Variants in TAFA2 observed in about 807,000 individuals in gnomAD.
The protein encoded by TAFA2 is chemokine-like protein TAFA-2.
TAFA2 carries 7 observed loss-of-function variants against 18.8 expected under a neutral mutation model. The observed-to-expected ratio is 0.37, with a 90% CI of 0.21 to 0.70. The LOEUF (loss-of-function observed/expected upper bound fraction) is 0.70. TAFA2 is among the 30% of genes least tolerant of loss of function. TAFA2 has a pLI of 0.53. For missense variants in TAFA2, 122 were observed against 158.1 expected, an observed-to-expected ratio of 0.77 and a Z score of 1.23; for synonymous variants, 60 against 54.2, an observed-to-expected ratio of 1.11 and a Z score of -0.47.
chr12:61,994,423 A>G (rs544843013), intron 1 of TAFA2, among the ~76,000 whole-genome samples: 20 of 151,996 alleles, frequency 1.3e-4, no homozygotes, highest in Non-Finnish European at 2.9e-4. Flanking sequence ...CTCTCCTGAA[A>G]CTCTAGTCTC....
intron 4 of TAFA2, among the ~76,000 whole-genome samples, chr12:61,751,888 G>T (rs1014863734): frequency 4.6e-5 from 7 of 151,804 alleles, no homozygotes; most frequent in African/African-American, 1.7e-4. Flanking sequence ...TGAGAATTTA[G>T]ACTGCATGGT....
chr12:61,953,646 G>T (rs1878545837), intron 1 of TAFA2, among the ~76,000 whole-genome samples: 1 of 152,078 alleles, frequency 6.6e-6, no homozygotes. Context: ...ATACTTTATA[G>T]TAACACACAG....
At chr12:61,766,276 C>G (rs1592374958) in intron 2 of TAFA2, among the ~76,000 whole-genome samples, 1 of 152,088 alleles carries the variant, frequency 6.6e-6, no homozygotes, top group Non-Finnish European at 1.5e-5. Context: ...ATTGCAAAAG[C>G]ATCCTTCCCT....
chr12:62,120,347 C>T (rs1258409849), intron 1 of TAFA2, among the ~76,000 whole-genome samples: 5 of 152,126 alleles, frequency 3.3e-5, no homozygotes, highest in African/African-American at 1.2e-4. Context: ...ATTAAATAGG[C>T]ATTTGTATTT....
At chr12:61,724,775 G>A (rs1223088710) in intron 4 of TAFA2, among the ~76,000 whole-genome samples, 4 of 111,198 alleles carry the variant, frequency 3.6e-5, no homozygotes, top group Non-Finnish European at 7.7e-5. Flanking sequence ...GTGTGTGTGT[G>A]TGTGTGTGTG....
At chr12:62,036,664 A>C (rs1881619922) in intron 1 of TAFA2, among the ~76,000 whole-genome samples, 1 of 152,242 alleles carries the variant, frequency 6.6e-6, no homozygotes, top group Admixed American at 6.5e-5. Flanking sequence ...AATAAATTGT[A>C]AATGGAAATT....
intron 1 of TAFA2, among the ~76,000 whole-genome samples, chr12:62,083,479 A>G (rs968352884): frequency 2.0e-5 from 3 of 152,126 alleles, no homozygotes; most frequent in Non-Finnish European, 4.4e-5. Context: ...TTCTCTTTGG[A>G]AATGCCTCTA....
At chr12:61,746,894 G>T (rs1868736991) in intron 4 of TAFA2, among the ~76,000 whole-genome samples, 1 of 152,060 alleles carries the variant, frequency 6.6e-6, no homozygotes, top group South Asian at 2.1e-4. Context: ...AAGAGCTTCT[G>T]CACAGCAAAA....
At chr12:61,845,492 A>G (rs891872856) in intron 2 of TAFA2, among the ~76,000 whole-genome samples, 5 of 152,186 alleles carry the variant, frequency 3.3e-5, no homozygotes, top group Non-Finnish European at 7.4e-5. Flanking sequence ...TTACCTTGAA[A>G]CATTGCATCA....
At chr12:61,997,191 GTATA>G (rs763945776) in intron 1 of TAFA2, among the ~76,000 whole-genome samples, 46 of 150,664 alleles carry the variant, frequency 3.1e-4, no homozygotes, top group Non-Finnish European at 4.7e-4. Context: ...GTGTGTGTGT[GTATA>G]TATATATATA....
intron 1 of TAFA2, among the ~76,000 whole-genome samples, chr12:61,897,385 AT>A (rs1212576703): frequency 6.6e-6 from 1 of 152,164 alleles, no homozygotes; most frequent in Non-Finnish European, 1.5e-5. Context: ...ATAGTAGTCC[AT>A]TTTCACACTG....
intron 2 of TAFA2, among the ~76,000 whole-genome samples, chr12:61,839,982 G>A (rs183166103): frequency 6.6e-6 from 1 of 152,190 alleles, no homozygotes; most frequent in East Asian, 1.9e-4. Context: ...CAGACAGAAG[G>A]AGCCTCATAT....
chr12:61,745,796 C>G (rs1868676686), intron 4 of TAFA2, among the ~76,000 whole-genome samples: 1 of 151,860 alleles, frequency 6.6e-6, no homozygotes. Context: ...TTACCCTGGA[C>G]TATCTAGGAG....
At chr12:62,021,989 ACT>A in intron 1 of TAFA2, 1 of 677,754 alleles carries the variant, frequency 1.5e-6, no homozygotes, top group Non-Finnish European at 2.8e-6. Context: ...TAACGCAGAG[ACT>A]CTGCCTGGGC....
intron 2 of TAFA2, among the ~76,000 whole-genome samples, chr12:61,851,961 A>T (rs989295076): frequency 1.3e-5 from 2 of 151,870 alleles, no homozygotes; most frequent in South Asian, 2.1e-4. Context: ...TAATCCCAGC[A>T]ATTTGGGAGG....
chr12:62,227,206 C>T (rs896053379), intron 1 of TAFA2, among the ~76,000 whole-genome samples: 1 of 151,994 alleles, frequency 6.6e-6, no homozygotes, highest in African/African-American at 2.4e-5. Context: ...TATTTTTTCC[C>T]TCTAACCTCT....
chr12:62,185,246 T>C (rs2062578285), intron 1 of TAFA2, among the ~76,000 whole-genome samples: 2 of 152,342 alleles, frequency 1.3e-5, no homozygotes, highest in African/African-American at 4.8e-5. Context: ...TTAAGTTTTT[T>C]CCTTAAAGTT....
At chr12:62,065,411 G>A (rs968193607) in intron 1 of TAFA2, among the ~76,000 whole-genome samples, 6 of 151,906 alleles carry the variant, frequency 3.9e-5, no homozygotes, top group East Asian at 1.9e-4. Flanking sequence ...AAACAATGAC[G>A]GATTATAGCA....
intron 2 of TAFA2, among the ~76,000 whole-genome samples, chr12:61,823,837 G>A (rs1003127662): frequency 9.2e-5 from 14 of 152,196 alleles, no homozygotes; most frequent in South Asian, 6.2e-4. Flanking sequence ...TAAGACTCAC[G>A]CATGATCAAA....
Sources: gnomAD v4.1 joint callset for allele counts (sites outside exome capture counted in the v4.1 genomes callset) on GRCh38, gnomAD v4.1.1 for gene constraint, MANE v1.5 for transcripts, NCBI Gene and HGNC (gene_info 2026-07-23, HGNC 2026-07-21) for gene names.